Variants in NCAM1 observed in about 807,000 individuals in gnomAD.
NCAM1 encodes neural cell adhesion molecule 1, also known as antigen recognized by monoclonal antibody 5.1H11.
A neutral mutation model predicts 109.8 loss-of-function variants in NCAM1; 14 were observed. That is an observed-to-expected ratio of 0.13 (90% confidence interval 0.08 to 0.20). The LOEUF (loss-of-function observed/expected upper bound fraction) is 0.20, where lower values mean the gene tolerates loss of function less well. Among genes scored for constraint, NCAM1 ranks in the 10% least tolerant of loss-of-function variants. NCAM1 has a pLI of 1.00. For synonymous variants in NCAM1, 418 were observed against 442.9 expected (o/e 0.94, Z 0.70); for missense variants, 774 against 1,109.9 (o/e 0.70, Z 4.30).
chr11:113,234,995 C>T (rs1272842456), intron 13 of NCAM1, 38 bp from the exon 14 acceptor site: 1 of 1,529,284 alleles, frequency 6.5e-7, no homozygotes, highest in Admixed American at 2.0e-5. Context: ...ACCATTTTAA[C>T]AATAGACTCT....
chr11:113,007,029 A>G (rs549439875), intron 1 of NCAM1, among the ~76,000 whole-genome samples: 14 of 152,330 alleles, frequency 9.2e-5, no homozygotes, highest in South Asian at 8.3e-4. Context: ...CATTTTTAAG[A>G]GTACAGAAAT....
chr11:113,072,181 T>C (rs1938301845), intron 1 of NCAM1, among the ~76,000 whole-genome samples: 1 of 152,200 alleles, frequency 6.6e-6, no homozygotes, highest in Non-Finnish European at 1.5e-5. Flanking sequence ...TAATAACTTG[T>C]TCCTATAGTT....
At chr11:113,182,317 G>A (rs1555108113) in intron 1 of NCAM1, among the ~76,000 whole-genome samples, 2 of 152,210 alleles carry the variant, frequency 1.3e-5, no homozygotes, top group African/African-American at 4.8e-5. Context: ...GGGCCAGCTT[G>A]TAGAGTTCTT....
At chr11:113,213,561 G>A (rs1395841330) in intron 7 of NCAM1, among the ~76,000 whole-genome samples, 3 of 152,088 alleles carry the variant, frequency 2.0e-5, no homozygotes, top group East Asian at 1.9e-4. Flanking sequence ...TCTCCCAGTC[G>A]TTGAGACTCC....
At chr11:113,096,677 A>G (rs934977609) in intron 1 of NCAM1, among the ~76,000 whole-genome samples, 2 of 152,060 alleles carry the variant, frequency 1.3e-5, no homozygotes, top group Admixed American at 6.5e-5. Context: ...CCTTTTGTTA[A>G]TTATTTCAAT....
At position 113,221,309 on chromosome 11, in the gene NCAM1, G is replaced by T; in HGVS notation, c.1073G>T (p.Arg358Leu). 6.4e-7 allele frequency: 1 copy of T among 1,566,456 alleles called. No individual in the cohort carries two copies. Among genetic ancestry groups the T allele is most frequent in the South Asian group, 1.2e-5 (1 of 85,090 alleles). ...ISSEEKASWT[R>L]PEKQETLDGH... ...TGTTTTCTCCAGGCTTCGTGGACTCGACCAGAGAAGCAAGAGGTATAGCTT... is the reference window on the plus strand; with the variant it reads ...TGTTTTCTCCAGGCTTCGTGGACTCTACCAGAGAAGCAAGAGGTATAGCTT... Residue 358 changes from arginine to leucine, a missense_variant, in exon 9 of 20, where the codon CGA (arginine) becomes CTA (leucine). Coordinates refer to ENST00000316851, the MANE Select transcript of NCAM1 (RefSeq NM_181351.5).
intron 1 of NCAM1, among the ~76,000 whole-genome samples, chr11:112,988,766 T>TTG (rs58186486): frequency 6.6e-6 from 1 of 151,212 alleles, no homozygotes; most frequent in Non-Finnish European, 1.5e-5. Context: ...TTTTTTTTTT[T>TTG]GAGATGGATT....
intron 1 of NCAM1, chr11:113,133,960 T>C (rs532915718): frequency 6.6e-6 from 1 of 152,178 alleles, no homozygotes; most frequent in South Asian, 2.1e-4. Flanking sequence ...CATATATTCT[T>C]TTTTCTCTCT....
intron 19 of NCAM1, 91 bp downstream of exon 19, chr11:113,271,967 C>A: frequency 1.1e-6 from 1 of 920,098 alleles, no homozygotes; most frequent in Non-Finnish European, 1.6e-6. Flanking sequence ...CCCCTACCCA[C>A]AGCTCCCGGC....
intron 1 of NCAM1, among the ~76,000 whole-genome samples, chr11:113,173,428 A>G (rs1004226947): frequency 1.3e-5 from 2 of 151,702 alleles, no homozygotes; most frequent in South Asian, 4.2e-4. Context: ...GATAGGGCAG[A>G]TTACCCACAC....
rs536934460 is a variant in NCAM1 at position 113,088,954 on chromosome 11, G to A, written c.53-113425G>A. Among the ~76,000 whole-genome samples, 14 of 152,252 alleles carry A rather than the reference G, an allele frequency of 9.2e-5. No homozygotes were observed. In the South Asian group the frequency reaches 1.0e-3, roughly 11 times the overall value. On this transcript the variant is annotated intron_variant, in intron 1 of 19. Coordinates refer to ENST00000316851, the MANE Select transcript of NCAM1 (RefSeq NM_181351.5). ...AGTATGCGTTAAAAATGTAAAATTA[G>A]CAAAGCAGTTGAGAAATCTAAATGT...
chr11:113,097,397 G>A (rs1555090632), intron 1 of NCAM1, among the ~76,000 whole-genome samples: 1 of 152,140 alleles, frequency 6.6e-6, no homozygotes, highest in African/African-American at 2.4e-5. Context: ...ACAGAAAGAT[G>A]GTACCAAGGT....
intron 1 of NCAM1, among the ~76,000 whole-genome samples, chr11:113,073,064 C>A (rs977041870): frequency 1.3e-5 from 2 of 152,130 alleles, no homozygotes; most frequent in East Asian, 3.9e-4. Context: ...TCTCTAGGAA[C>A]TCAATTACTC....
At chr11:113,000,823 T>C (rs782585838) in intron 1 of NCAM1, among the ~76,000 whole-genome samples, 1 of 15,284 alleles carries the variant, frequency 6.5e-5, no homozygotes, top group Non-Finnish European at 9.9e-5. Context: ...TATACATATA[T>C]ATATATATAT....
At chr11:113,240,810 CT>C (rs782449853) in intron 14 of NCAM1, 7 of 1,613,672 alleles carry the variant, frequency 4.3e-6, no homozygotes, top group Admixed American at 1.7e-5. Flanking sequence ...TCGTCTACCC[CT>C]GTTCCATTGT....
intron 1 of NCAM1, among the ~76,000 whole-genome samples, chr11:113,078,591 G>A (rs999527171): frequency 2.0e-5 from 3 of 152,096 alleles, no homozygotes; most frequent in African/African-American, 7.2e-5. Flanking sequence ...AGTGATGAAA[G>A]AAGATTTTTA....
At chr11:113,076,646 C>A (rs547291011) in intron 1 of NCAM1, among the ~76,000 whole-genome samples, 1 of 152,092 alleles carries the variant, frequency 6.6e-6, no homozygotes, top group Non-Finnish European at 1.5e-5. Flanking sequence ...TGGTAGAATC[C>A]AAAATATTCC....
chr11:113,051,945 G>A (rs1243084954), intron 1 of NCAM1, among the ~76,000 whole-genome samples: 1 of 152,164 alleles, frequency 6.6e-6, no homozygotes, highest in African/African-American at 2.4e-5. Context: ...CACCTAAAAG[G>A]TGTGCTTAGC....
chr11:113,164,568 C>A (rs566139444), intron 1 of NCAM1, among the ~76,000 whole-genome samples: 1 of 152,294 alleles, frequency 6.6e-6, no homozygotes, highest in Admixed American at 6.5e-5. Flanking sequence ...GCTCACAGAA[C>A]TCAGGGAAAC....
Sources: gnomAD v4.1 joint callset for allele counts (sites outside exome capture counted in the v4.1 genomes callset) on GRCh38, gnomAD v4.1.1 for gene constraint, MANE v1.5 for transcripts, NCBI Gene and HGNC (gene_info 2026-07-23, HGNC 2026-07-21) for gene names.